The following LRCH1 variants were observed in gnomAD, a reference collection of about 807,000 sequenced individuals.
LRCH1 encodes the protein leucine rich repeats and calponin homology domain containing 1, also known as leucine-rich repeat and calponin homology domain-containing protein 1.
A neutral mutation model predicts 94.9 loss-of-function variants in LRCH1; 23 were observed. The ratio of observed to expected loss-of-function variants is 0.24; its 90% CI spans 0.17 to 0.34. The LOEUF is 0.34. Ranked by LOEUF, LRCH1 falls within the 10% of genes least tolerant of loss-of-function variation. The pLI is 1.00. For missense variants in LRCH1, 790 were observed against 945.9 expected (o/e 0.84, Z 2.16); for synonymous variants, 364 against 354.9 (o/e 1.03, Z -0.29).
At chr13:46,629,436 C>T (rs1288206249) in intron 1 of LRCH1, among the ~76,000 whole-genome samples, 2 of 152,162 alleles carry the variant, frequency 1.3e-5, no homozygotes, top group African/African-American at 4.8e-5. Flanking sequence ...CCTCTAATTG[C>T]ATAGTTCATG....
At chr13:46,706,220 C>CT (rs1168341897) in intron 13 of LRCH1, among the ~76,000 whole-genome samples, 1 of 152,228 alleles carries the variant, frequency 6.6e-6, no homozygotes, top group African/African-American at 2.4e-5. Flanking sequence ...ATCTCAAAGA[C>CT]TGGCTAACTG....
intron 1 of LRCH1, among the ~76,000 whole-genome samples, chr13:46,590,245 C>T (rs1413241775): frequency 6.6e-6 from 1 of 152,130 alleles, no homozygotes; most frequent in African/African-American, 2.4e-5. Context: ...TTTTAAAAGA[C>T]ATGAACTAAA....
intron 17 of LRCH1, among the ~76,000 whole-genome samples, chr13:46,725,986 A>C (rs1872796225): frequency 6.6e-6 from 1 of 152,240 alleles, no homozygotes; most frequent in Middle Eastern, 3.2e-3. Flanking sequence ...AGTACCTAAA[A>C]ACAATTGTCC....
intron 1 of LRCH1, among the ~76,000 whole-genome samples, chr13:46,600,893 G>C (rs529791483): frequency 1.4e-4 from 22 of 152,236 alleles, no homozygotes; most frequent in Non-Finnish European, 2.6e-4. Context: ...TTCTGTTAGC[G>C]CTTTAAAGCA....
chr13:46,685,744 A>G (rs886891816), intron 4 of LRCH1, among the ~76,000 whole-genome samples, 161 bp from the exon 5 acceptor site: 1 of 152,248 alleles, frequency 6.6e-6, no homozygotes, highest in Admixed American at 6.5e-5. Context: ...GTAAAATGTT[A>G]TGTACACACA....
In LRCH1 at chr13:46,728,779, T is replaced by C. The variant is rs1317501685; in HGVS notation, c.1870-68T>C. ...TAGTGCCTCAGTTCATAAATACCCA[T>C]AAATGTATTTTACTCACAGTTACCT... On this transcript the variant is annotated intron_variant, in intron 17 of 19. Transcript: ENST00000389797. The C allele has an allele frequency of 2.1e-6, 3 of 1,439,570 alleles. No homozygotes were observed. In the East Asian group the frequency reaches 7.2e-5, roughly 35 times the overall value. The allele number at this position is 1,439,570 out of a possible 1,614,324, so 89.2% of individuals were successfully genotyped here. A position where few individuals can be genotyped will look rare whatever the true frequency, so the allele number is the denominator to read the frequency against.
intron 17 of LRCH1, among the ~76,000 whole-genome samples, chr13:46,725,437 TCACTCTCTAC>T (rs946280694): frequency 6.6e-6 from 1 of 152,228 alleles, no homozygotes; most frequent in African/African-American, 2.4e-5. Flanking sequence ...GTATTGACTG[TCACTCTCTAC>T]CAGGCTGTAT....
intron 19 of LRCH1, among the ~76,000 whole-genome samples, chr13:46,739,579 A>T (rs1047198401): frequency 6.6e-6 from 1 of 152,150 alleles, no homozygotes; most frequent in Non-Finnish European, 1.5e-5. Context: ...GGTTTGCTTC[A>T]TGGCCCCATT....
At chr13:46,560,206 T>C (rs1441109983) in intron 1 of LRCH1, among the ~76,000 whole-genome samples, 2 of 147,878 alleles carry the variant, frequency 1.4e-5, no homozygotes, top group African/African-American at 4.9e-5. Context: ...TCCCCATAAT[T>C]TCCCTTCAGG....
At chr13:46,740,282 A>G (rs1260712675) in intron 19 of LRCH1, among the ~76,000 whole-genome samples, 2 of 152,252 alleles carry the variant, frequency 1.3e-5, no homozygotes, top group African/African-American at 4.8e-5. Context: ...AGATCCACTG[A>G]GAAAAGATAC....
chr13:46,698,908 C>T (rs1387912417), intron 9 of LRCH1, among the ~76,000 whole-genome samples: 1 of 152,246 alleles, frequency 6.6e-6, no homozygotes, highest in Non-Finnish European at 1.5e-5. Flanking sequence ...CAGAACTCTT[C>T]TCACTTGCAA....
chr13:46,625,252 C>T (rs190260070), intron 1 of LRCH1, among the ~76,000 whole-genome samples: 127 of 152,362 alleles, frequency 8.3e-4, no homozygotes, highest in African/African-American at 3.0e-3. Context: ...CTTCTGCATA[C>T]TTCTGTACTC....
At chr13:46,607,718 A>G (rs1041344949) in intron 1 of LRCH1, among the ~76,000 whole-genome samples, 1 of 151,598 alleles carries the variant, frequency 6.6e-6, no homozygotes, top group African/African-American at 2.4e-5. Flanking sequence ...TGAAAGTGTA[A>G]TATAAAATCT....
At chr13:46,709,126 C>G (rs1163640278) in intron 13 of LRCH1, among the ~76,000 whole-genome samples, 13 of 152,188 alleles carry the variant, frequency 8.5e-5, no homozygotes, top group Admixed American at 8.5e-4. Context: ...AAATTCATTT[C>G]CTTGTGTTTG....
intron 1 of LRCH1, among the ~76,000 whole-genome samples, chr13:46,627,644 A>T (rs946854681): frequency 3.9e-5 from 6 of 152,024 alleles, no homozygotes; most frequent in Admixed American, 3.9e-4. Context: ...GCACACACGT[A>T]TGGCAAAGAT....
At chr13:46,689,252 G>A in intron 7 of LRCH1, 56 bp downstream of exon 7, 2 of 1,372,758 alleles carry the variant, frequency 1.5e-6, no homozygotes, top group Non-Finnish European at 2.1e-6. Flanking sequence ...ATCTACCAGT[G>A]TTCATTGAAC....
At chr13:46,607,369 A>G (rs2050699012) in intron 1 of LRCH1, among the ~76,000 whole-genome samples, 1 of 152,220 alleles carries the variant, frequency 6.6e-6, no homozygotes, top group South Asian at 2.1e-4. Flanking sequence ...AAAGAGAGCT[A>G]TCTAGAAGAG....
At chr13:46,636,460 C>T (rs775370937) in intron 1 of LRCH1, among the ~76,000 whole-genome samples, 1 of 152,170 alleles carries the variant, frequency 6.6e-6, no homozygotes, top group Non-Finnish European at 1.5e-5. Flanking sequence ...TTTCATCTTG[C>T]AAAACTGAAA....
intron 16 of LRCH1, among the ~76,000 whole-genome samples, chr13:46,721,304 A>G: frequency 6.6e-6 from 1 of 152,170 alleles, no homozygotes; most frequent in East Asian, 1.9e-4. Context: ...TCCAAAGAAA[A>G]CATTCGATGT....
Sources: gnomAD v4.1 joint callset for allele counts (sites outside exome capture counted in the v4.1 genomes callset) on GRCh38, gnomAD v4.1.1 for gene constraint, MANE v1.5 for transcripts, NCBI Gene and HGNC (gene_info 2026-07-23, HGNC 2026-07-21) for gene names.